Variants in DENND6B observed in about 807,000 individuals in gnomAD.
DENND6B encodes the protein protein DENND6B.
Under a neutral mutation model 85.1 loss-of-function variants are expected in DENND6B, and 73 were observed. The ratio of observed to expected loss-of-function variants is 0.86; its 90% CI spans 0.71 to 1.04. The LOEUF is 1.04. Among genes scored for constraint, DENND6B ranks in the 50% least tolerant of loss-of-function variants. The probability of loss-of-function intolerance (pLI) is 0.00; values close to 1 mark genes in which losing one functional copy is unlikely to be tolerated. For missense variants in DENND6B, 715 were observed against 785.8 expected (o/e 0.91, Z 1.08); for synonymous variants, 357 against 329.3 (o/e 1.08, Z -0.91).
chr22:50,315,040 C>A, intron 9 of DENND6B, 119 bp from the exon 10 acceptor site: 2 of 1,402,894 alleles, frequency 1.4e-6, no homozygotes, highest in Non-Finnish European at 1.9e-6. Context: ...GCACGCTGCT[C>A]CAGGGTGAAG....
At chr22:50,325,498 G>C (rs1240704934) in intron 1 of DENND6B, among the ~76,000 whole-genome samples, 1 of 151,894 alleles carries the variant, frequency 6.6e-6, no homozygotes, top group African/African-American at 2.4e-5. Context: ...CACCTCGCCC[G>C]GCTAATTTCT....
At position 50,313,883 on chromosome 22, in the gene DENND6B, C is replaced by A; in HGVS notation, c.1139-5G>T. ...CCGTGTAAGCGGTGTAGAGGCCTGGCGGGAGGGCACAGCTGGCGCCCCACC... is the reference window on the plus strand; with the variant it reads ...CCGTGTAAGCGGTGTAGAGGCCTGGAGGGAGGGCACAGCTGGCGCCCCACC... On this transcript the variant is annotated splice_polypyrimidine_tract_variant and splice_region_variant and intron_variant, in intron 13 of 19. Transcript: ENST00000413817. 6.2e-7 allele frequency: 1 copy of A among 1,607,108 alleles called. No individual in the cohort carries two copies. The highest frequency in any genetic ancestry group is 8.5e-7 in the Non-Finnish European group (1 of 1,178,222).
intron 1 of DENND6B, among the ~76,000 whole-genome samples, chr22:50,321,080 C>T (rs1335738491): frequency 6.6e-6 from 1 of 152,170 alleles, no homozygotes; most frequent in East Asian, 1.9e-4. Context: ...TTGCCTGAGC[C>T]CTGCACAGGT....
Position 50,326,967 on chromosome 22 carries a change from C to T in DENND6B, c.22G>A (p.Gly8Arg). The T allele has an allele frequency of 8.2e-7, 1 of 1,224,638 alleles. No individual in the cohort carries two copies. The highest frequency in any genetic ancestry group is 1.0e-6 in the Non-Finnish European group (1 of 986,130). The allele number at this position is 1,224,638 out of a possible 1,614,324, so 75.9% of individuals were successfully genotyped here. MDALLGTGPRRARGCLGA... is the reference protein window; with the variant it reads MDALLGTRPRRARGCLGA... ...AGGCAGCCGCGAGCCCGGCGAGGCCCTGTGCCCAACAGCGCGTCCATGGCG... is the reference window on the plus strand; with the variant it reads ...AGGCAGCCGCGAGCCCGGCGAGGCCTTGTGCCCAACAGCGCGTCCATGGCG... The change falls in exon 1 of 20, where the codon GGG becomes AGG. Residue 8 changes from glycine (G) to arginine (R), a missense_variant. Coordinates refer to ENST00000413817, the MANE Select transcript of DENND6B (RefSeq NM_001001794.4).
At chr22:50,318,247 G>A (rs2041920148) in intron 3 of DENND6B, among the ~76,000 whole-genome samples, 2 of 152,324 alleles carry the variant, frequency 1.3e-5, no homozygotes, top group South Asian at 4.1e-4. Context: ...GGAGGCTGAG[G>A]CAGGAGAATC....
intron 1 of DENND6B, among the ~76,000 whole-genome samples, chr22:50,324,804 A>C (rs1435340194): frequency 6.6e-6 from 1 of 152,296 alleles, no homozygotes; most frequent in East Asian, 1.9e-4. Context: ...GAGAGGGGTT[A>C]CCTGAAACAG....
chr22:50,319,257 G>A (rs2041964030), intron 1 of DENND6B: 1 of 985,182 alleles, frequency 1.0e-6, no homozygotes, highest in Non-Finnish European at 1.2e-6. Context: ...GTGATGTCTG[G>A]CTCCTTGCTG....
intron 16 of DENND6B, among the ~76,000 whole-genome samples, 152 bp from the exon 17 acceptor site, chr22:50,313,260 G>C (rs879338142): frequency 1.6e-4 from 25 of 151,964 alleles, no homozygotes; most frequent in African/African-American, 6.0e-4. Flanking sequence ...CCAGGGAGCA[G>C]GCCCTGAGCC....
chr22:50,326,411 G>A (rs575411344), intron 1 of DENND6B, among the ~76,000 whole-genome samples: 1 of 152,360 alleles, frequency 6.6e-6, no homozygotes, highest in Admixed American at 6.5e-5. Flanking sequence ...CTTTGTTGCA[G>A]AAGGAGCCGT....
chr22:50,318,954 C>T lies in DENND6B; in HGVS notation c.216+11G>A. ...TGGGTCCTGTCCATTCCCAAGAGGG[C>T]CGGGACTCACCTCCTTGTCTGTGAG... On this transcript the variant is annotated intron_variant, in intron 2 of 19. Coordinates refer to ENST00000413817, the MANE Select transcript of DENND6B (RefSeq NM_001001794.4). 6.2e-7 allele frequency: 1 copy of T among 1,607,734 alleles called. No individual in the cohort carries two copies. The highest frequency in any genetic ancestry group is 1.1e-5 in the South Asian group (1 of 89,970).
In DENND6B at chr22:50,326,851, G is replaced by GCA; in HGVS notation, c.136_137dup (p.Val47AlafsTer94). On this transcript the variant is annotated frameshift_variant, in exon 1 of 20. Coordinates refer to ENST00000413817, the MANE Select transcript of DENND6B (RefSeq NM_001001794.4). LOFTEE classifies it high-confidence loss of function. ...CCAGCTCCAGGTCGAAGGTGACCACGCACACACACTCCAGCCAGGCGGAGA... is the reference window on the plus strand; with the variant it reads ...CCAGCTCCAGGTCGAAGGTGACCACGCACACACACACTCCAGCCAGGCGGAGA... 1.4e-6 allele frequency: 2 copies of GCA among 1,441,634 alleles called. No individual in the cohort carries two copies. Among genetic ancestry groups the GCA allele is most frequent in the Admixed American group, 2.7e-5 (1 of 36,856 alleles). 89.3% of individuals were successfully genotyped at this position (1,441,634 alleles called of 1,614,324 possible).
At position 50,312,163 on chromosome 22, in the gene DENND6B, C is replaced by T. The variant is rs1331143710; in HGVS notation, c.1734G>A (p.Leu578=). 1 of 1,612,372 alleles carries T rather than the reference C, an allele frequency of 6.2e-7. No individual in the cohort carries two copies. Among genetic ancestry groups the T allele is most frequent in the African/African-American group, 1.3e-5 (1 of 74,908 alleles). The part of the protein sequence containing the change: ...ETVIGSLPKD[L]QAVLCPP ...TCTAGGGAGGGCACAAGACAGCCTGCAGGTCTTTGGGCAGGGAGCCGATGA... is the reference window on the plus strand; with the variant it reads ...TCTAGGGAGGGCACAAGACAGCCTGTAGGTCTTTGGGCAGGGAGCCGATGA... Residue 578 remains leucine, a synonymous_variant, in exon 20 of 20, where the codon CTG becomes CTA. Coordinates refer to ENST00000413817, the MANE Select transcript of DENND6B (RefSeq NM_001001794.4).
chr22:50,313,336 G>T (rs1424192355), intron 16 of DENND6B, 110 bp downstream of exon 16: 4 of 1,395,236 alleles, frequency 2.9e-6, no homozygotes, highest in African/African-American at 1.5e-5. Context: ...TGGCCTTGAG[G>T]CCTGTGGCTC....
Position 50,313,583 on chromosome 22 carries a change from T to TC in DENND6B, c.1293+51dup, listed in dbSNP as rs1190682689. ...CGCAGCCCCGTCCCCCCCAACCCCA[T>TC]CCCCCCAGCCCCGTGCCCCCCAGTC... On this transcript the variant is annotated intron_variant, in intron 15 of 19. Transcript: ENST00000413817. 3 of 175,284 alleles carry TC rather than the reference T, an allele frequency of 1.7e-5. No homozygotes were observed. The South Asian group carries it at 2.2e-4, about 13-fold the overall frequency. The allele number at this position is 175,284 out of a possible 1,614,324, so 10.9% of individuals were successfully genotyped here.
chr22:50,323,663 C>T (rs1164791348), intron 1 of DENND6B, among the ~76,000 whole-genome samples: 4 of 151,354 alleles, frequency 2.6e-5, no homozygotes, highest in Non-Finnish European at 4.4e-5. Context: ...CTCAAGTGCT[C>T]CTCCCACTGT....
rs770821142 is a variant in DENND6B, at chr22:50,316,420, C to T, written c.509G>A (p.Ser170Asn). 5.7e-6 allele frequency: 9 copies of T among 1,588,486 alleles called. No individual in the cohort carries two copies. The Middle Eastern group carries it at 9.9e-4, about 175-fold the overall frequency. The change falls in exon 6 of 20, where the codon AGC becomes AAC. Residue 170 changes from serine to asparagine, a missense_variant. Physicochemically the swap from Ser to Asn is conservative, Grantham distance 46. Transcript: ENST00000413817. Reference sequence around the variant, plus strand: ...GTCAAAGTACTCGGGGGCGATGAGGCTTAGCAGCGCTTGGAACAGCCGGAC... The same window carrying T: ...GTCAAAGTACTCGGGGGCGATGAGGTTTAGCAGCGCTTGGAACAGCCGGAC... Reference protein sequence around the residue: ...PFVRLFQALLSLIAPEYFDKL... With the variant: ...PFVRLFQALLNLIAPEYFDKL...
Position 50,314,783 on chromosome 22 carries a change from C to T in DENND6B, c.881+16G>A, listed in dbSNP as rs774393431. ...ATGGTCCAGCTTCCCCAGCCGGGAC[C>T]GGGCCAAGGCGATACCTGGTCAAGG... is the stretch of plus-strand genomic sequence containing the variant. On this transcript the variant is annotated intron_variant, in intron 10 of 19. Coordinates refer to ENST00000413817, the MANE Select transcript of DENND6B (RefSeq NM_001001794.4). The T allele has an allele frequency of 8.1e-6, 13 of 1,595,820 alleles. No homozygotes were observed. Among genetic ancestry groups the T allele is most frequent in the South Asian group, 2.3e-5 (2 of 88,392 alleles).
intron 5 of DENND6B, 174 bp from the exon 6 acceptor site, chr22:50,316,649 T>C: frequency 2.6e-6 from 4 of 1,519,492 alleles, no homozygotes; most frequent in Non-Finnish European, 2.6e-6. Flanking sequence ...CCAGAATTAT[T>C]AGACAGGAGA....
In DENND6B at chr22:50,311,978, C is replaced by G; in HGVS notation, c.*161G>C. 1 of 1,226,904 alleles carries G rather than the reference C, an allele frequency of 8.2e-7. No homozygotes were observed. Among genetic ancestry groups the G allele is most frequent in the Non-Finnish European group, 1.1e-6 (1 of 906,892 alleles). The allele number at this position is 1,226,904 out of a possible 1,614,324, so 76.0% of individuals were successfully genotyped here. On this transcript the variant is annotated 3_prime_UTR_variant, in exon 20 of 20. Coordinates refer to ENST00000413817, the MANE Select transcript of DENND6B (RefSeq NM_001001794.4). Reference sequence around the variant, plus strand: ...AAGGCCATGCTGTGGTTCCAAATGTCGCCTTTACTGCTGAGACAATGGTGG... The same window carrying G: ...AAGGCCATGCTGTGGTTCCAAATGTGGCCTTTACTGCTGAGACAATGGTGG...
Sources: allele counts gnomAD v4.1 joint callset (sites outside exome capture counted in the v4.1 genomes callset), GRCh38; gene constraint gnomAD v4.1.1; transcripts MANE v1.5; gene names NCBI Gene and HGNC (gene_info 2026-07-23, HGNC 2026-07-21).